The following SH3RF2 variants were observed in gnomAD, a reference collection of about 807,000 sequenced individuals.
The protein encoded by SH3RF2 is E3 ubiquitin-protein ligase SH3RF2.
Under a neutral mutation model 59.0 loss-of-function variants are expected in SH3RF2, and 43 were observed. The observed-to-expected ratio is 0.73, with a 90% confidence interval of 0.57 to 0.94. SH3RF2 has a LOEUF of 0.94. Ranked by LOEUF, SH3RF2 falls within the 40% of genes least tolerant of loss-of-function variation. The pLI is 0.00. For missense variants in SH3RF2, 930 were observed against 940.1 expected (o/e 0.99, Z 0.14); for synonymous variants, 391 against 391.5 (o/e 1.00, Z 0.01).
intron 2 of SH3RF2, among the ~76,000 whole-genome samples, chr5:145,993,192 CG>C (rs1207099800): frequency 6.6e-6 from 1 of 152,304 alleles, no homozygotes; most frequent in East Asian, 1.9e-4. Flanking sequence ...ATCCAGATCA[CG>C]CTAATGCAAG....
chr5:146,040,189 C>T (rs1326068888), intron 5 of SH3RF2, among the ~76,000 whole-genome samples: 2 of 152,136 alleles, frequency 1.3e-5, no homozygotes, highest in Admixed American at 1.3e-4. Context: ...GCACAATATT[C>T]AACTTCTATT....
At chr5:145,938,429 A>G (rs1757686042) in intron 2 of SH3RF2, 123 bp downstream of exon 2, 1 of 1,191,130 alleles carries the variant, frequency 8.4e-7, no homozygotes, top group African/African-American at 1.5e-5. Flanking sequence ...TCCCAGTGAT[A>G]AGTTTCTGTG....
Position 146,000,080 on chromosome 5 carries a change from G to A in SH3RF2, c.401G>A (p.Cys134Tyr). ...CAGGTGCCTCGAGCAAAGGCCTTAT[G>A]CAACTACAGAGGGCAGAATCCCGGT... ...MDGVPRAKAL[C>Y]NYRGQNPGDL... The change falls in exon 3 of 10, where the codon TGC (cysteine) becomes TAC (tyrosine). Residue 134 changes from cysteine (C) to tyrosine (Y), a missense_variant. Physicochemically the swap from Cys to Tyr is radical, Grantham distance 194. Transcript: ENST00000359120. The A allele has an allele frequency of 6.2e-7, 1 of 1,613,184 alleles. No individual in the cohort carries two copies.
rs1173836165 is a variant in SH3RF2 at position 145,944,327 on chromosome 5, TTTC to T, written c.378+6024_378+6026del. ...ACTCAACCTGGACAACTTTACTCAATTTCTTTTCCCTTTTTTTTTTTTTTTTTT... is the reference window on the plus strand; with the variant it reads ...ACTCAACCTGGACAACTTTACTCAATTTTTCCCTTTTTTTTTTTTTTTTTT... On this transcript the variant is annotated intron_variant, in intron 2 of 9. Transcript: ENST00000359120. 6.6e-5 allele frequency among the ~76,000 whole-genome samples: 10 copies of T among 151,334 alleles called. No homozygotes were observed. In the South Asian group the frequency reaches 1.9e-3, roughly 28 times the overall value.
In SH3RF2 at chr5:145,973,286, C is replaced by T. The variant is rs545685401; in HGVS notation, c.379-26772C>T. 1.3e-3 allele frequency among the ~76,000 whole-genome samples: 193 copies of T among 152,250 alleles called. 2 individuals are homozygous for T. The highest frequency in any genetic ancestry group is 4.0e-3 in the African/African-American group (166 of 41,546). The stretch of plus-strand genomic sequence containing the variant: ...TGACCCTTAAGCCAAATTAAGGGAT[C>T]TGGACTTTATCTTGGGGACAGTAGG... On this transcript the variant is annotated intron_variant, in intron 2 of 9. Coordinates refer to ENST00000359120, the MANE Select transcript of SH3RF2 (RefSeq NM_152550.4).
At chr5:146,046,122 G>A (rs529857483) in intron 5 of SH3RF2, among the ~76,000 whole-genome samples, 2 of 152,192 alleles carry the variant, frequency 1.3e-5, no homozygotes, top group South Asian at 2.1e-4. Flanking sequence ...GGGCATACTC[G>A]TACACACCTC....
intron 5 of SH3RF2, among the ~76,000 whole-genome samples, chr5:146,029,012 T>C (rs113768965): frequency 2.9e-4 from 44 of 152,192 alleles, no homozygotes; most frequent in African/African-American, 1.0e-3. Context: ...GAAAAACAAA[T>C]TGTGCAGAGA....
chr5:146,061,085 T>TC (rs1233610849), intron 9 of SH3RF2, among the ~76,000 whole-genome samples: 1 of 152,158 alleles, frequency 6.6e-6, no homozygotes, highest in Non-Finnish European at 1.5e-5. Context: ...AGGATGCGAT[T>TC]CCCCCATTGG....
At chr5:146,071,553 G>A (rs1449703086) in intron 9 of SH3RF2, among the ~76,000 whole-genome samples, 1 of 152,122 alleles carries the variant, frequency 6.6e-6, no homozygotes, top group South Asian at 2.1e-4. Context: ...TGGAGCTTAG[G>A]ACTTCTTTGT....
chr5:145,990,895 ACAGGTGAGAGCTAATGT>A (rs1759909134), intron 2 of SH3RF2, among the ~76,000 whole-genome samples: 1 of 152,234 alleles, frequency 6.6e-6, no homozygotes, highest in South Asian at 2.1e-4. Context: ...CAACAATACA[ACAGGTGAGAGCTAATGT>A]TGAACTTGGA....
chr5:146,038,890 A>G (rs541343872), intron 5 of SH3RF2, among the ~76,000 whole-genome samples: 3 of 152,238 alleles, frequency 2.0e-5, no homozygotes, highest in Non-Finnish European at 4.4e-5. Context: ...TGGTTGGGGT[A>G]AAGAATTGGA....
intron 3 of SH3RF2, among the ~76,000 whole-genome samples, chr5:146,001,647 C>T (rs915619009): frequency 6.6e-6 from 1 of 152,220 alleles, no homozygotes; most frequent in Non-Finnish European, 1.5e-5. Context: ...GTCTGCCTCT[C>T]TCACCCTTTC....
chr5:145,949,786 C>T (rs191857049), intron 2 of SH3RF2, among the ~76,000 whole-genome samples: 50 of 152,294 alleles, frequency 3.3e-4, no homozygotes, highest in Non-Finnish European at 4.4e-5. Flanking sequence ...AAACATTTAC[C>T]ATCTCCCTCT....
chr5:146,006,423 A>G (rs1156822269), intron 4 of SH3RF2, among the ~76,000 whole-genome samples: 1 of 152,170 alleles, frequency 6.6e-6, no homozygotes, highest in African/African-American at 2.4e-5. Context: ...CCTATCTCAA[A>G]AAAGAAAAAA....
intron 2 of SH3RF2, among the ~76,000 whole-genome samples, chr5:145,964,358 G>A (rs1258372408): frequency 7.2e-6 from 1 of 139,434 alleles, no homozygotes; most frequent in Non-Finnish European, 1.5e-5. Flanking sequence ...CCAAGCTGGA[G>A]TGCAGTGGCG....
intron 9 of SH3RF2, among the ~76,000 whole-genome samples, chr5:146,072,958 T>C (rs1763269139): frequency 1.3e-5 from 2 of 152,244 alleles, no homozygotes; most frequent in South Asian, 2.1e-4. Context: ...AAATAGTCAT[T>C]AGCACAGTGC....
At chr5:146,033,910 A>G (rs571918953) in intron 5 of SH3RF2, among the ~76,000 whole-genome samples, 2 of 152,334 alleles carry the variant, frequency 1.3e-5, no homozygotes, top group South Asian at 2.1e-4. Context: ...GTTGTTACGA[A>G]AGTCTTATTA....
At chr5:146,010,293 A>C (rs1480867209) in intron 4 of SH3RF2, among the ~76,000 whole-genome samples, 2 of 152,050 alleles carry the variant, frequency 1.3e-5, no homozygotes, top group Non-Finnish European at 2.9e-5. Context: ...GGACATTTGG[A>C]TTGGTTCCAA....
intron 5 of SH3RF2, among the ~76,000 whole-genome samples, chr5:146,039,247 T>G (rs994633633): frequency 6.6e-6 from 1 of 152,182 alleles, no homozygotes; most frequent in African/African-American, 2.4e-5. Context: ...AAAAACTTAT[T>G]GAAGACTGTT....
Sources: gnomAD v4.1 joint callset for allele counts (sites outside exome capture counted in the v4.1 genomes callset) on GRCh38, gnomAD v4.1.1 for gene constraint, MANE v1.5 for transcripts, NCBI Gene and HGNC (gene_info 2026-07-23, HGNC 2026-07-21) for gene names.